Variants in IMMP2L observed in about 807,000 individuals in gnomAD.
The protein encoded by IMMP2L is mitochondrial inner membrane protease subunit 2.
A neutral mutation model predicts 19.3 loss-of-function variants in IMMP2L; 18 were observed. The ratio of observed to expected loss-of-function variants is 0.93; its 90% CI spans 0.64 to 1.38. IMMP2L has a LOEUF of 1.38. IMMP2L is among the 40% of genes most tolerant of loss of function. The pLI is 0.00. For missense variants in IMMP2L, 233 were observed against 218.2 expected (o/e 1.07, Z -0.43); for synonymous variants, 76 against 73.0 (o/e 1.04, Z -0.21).
chr7:111,035,256 T>C (rs1307663621), intron 3 of IMMP2L, among the ~76,000 whole-genome samples: 1 of 152,080 alleles, frequency 6.6e-6, no homozygotes, highest in African/African-American at 2.4e-5. Flanking sequence ...GTAAAGACAA[T>C]GACAGAAATA....
chr7:110,756,252 G>A (rs1016896381), intron 5 of IMMP2L, among the ~76,000 whole-genome samples: 7 of 152,062 alleles, frequency 4.6e-5, no homozygotes, highest in Admixed American at 3.9e-4. Context: ...AAAGAGAGAA[G>A]CCACCAGTGA....
At chr7:110,716,220 G>A (rs893222168) in intron 5 of IMMP2L, among the ~76,000 whole-genome samples, 1 of 151,918 alleles carries the variant, frequency 6.6e-6, no homozygotes, top group Non-Finnish European at 1.5e-5. Context: ...CTTGAAGAGA[G>A]GGGATGGATG....
intron 3 of IMMP2L, among the ~76,000 whole-genome samples, chr7:111,263,787 G>T (rs1246249134): frequency 6.6e-6 from 1 of 152,136 alleles, no homozygotes; most frequent in Non-Finnish European, 1.5e-5. Context: ...AGGGAAATTA[G>T]TGAAACACTA....
intron 3 of IMMP2L, among the ~76,000 whole-genome samples, chr7:111,002,726 A>G (rs1823842150): frequency 6.6e-6 from 1 of 152,212 alleles, no homozygotes; most frequent in African/African-American, 2.4e-5. Context: ...CACATGTGCC[A>G]GATACTAAGT....
chr7:111,517,295 T>C (rs1427430223), intron 2 of IMMP2L, among the ~76,000 whole-genome samples: 1 of 152,108 alleles, frequency 6.6e-6, no homozygotes, highest in Non-Finnish European at 1.5e-5. Context: ...CTTCATATTC[T>C]GTAATTTCCT....
intron 5 of IMMP2L, among the ~76,000 whole-genome samples, chr7:110,885,784 G>A (rs747986832): frequency 2.0e-5 from 3 of 151,994 alleles, no homozygotes; most frequent in Non-Finnish European, 4.4e-5. Flanking sequence ...GAAAGCAGGA[G>A]ATACAATTTT....
At chr7:111,231,589 A>T (rs943564480) in intron 3 of IMMP2L, among the ~76,000 whole-genome samples, 6 of 151,814 alleles carry the variant, frequency 4.0e-5, no homozygotes, top group African/African-American at 1.5e-4. Context: ...TAGTGTGTTT[A>T]TTTGTTTACT....
At chr7:111,315,988 C>T (rs923512668) in intron 3 of IMMP2L, among the ~76,000 whole-genome samples, 3 of 152,082 alleles carry the variant, frequency 2.0e-5, no homozygotes, top group Non-Finnish European at 4.4e-5. Context: ...CTTACACAAA[C>T]ATAGATGGTA....
chr7:111,452,374 T>C (rs962516005), intron 3 of IMMP2L, among the ~76,000 whole-genome samples: 6 of 152,142 alleles, frequency 3.9e-5, no homozygotes, highest in Non-Finnish European at 7.4e-5. Flanking sequence ...TAGAATTCCC[T>C]AAGCAAACCA....
intron 4 of IMMP2L, among the ~76,000 whole-genome samples, chr7:110,912,808 T>C (rs939282322): frequency 2.6e-5 from 4 of 152,030 alleles, no homozygotes; most frequent in Admixed American, 2.6e-4. Context: ...GAAAGTAAAG[T>C]AGCAACCTCT....
chr7:111,322,298 TA>T (rs1318900648), intron 3 of IMMP2L, among the ~76,000 whole-genome samples: 1 of 151,964 alleles, frequency 6.6e-6, no homozygotes, highest in African/African-American at 2.4e-5. Flanking sequence ...AGATTCTCAA[TA>T]AATATTTATT....
chr7:111,369,114 A>C (rs924734431), intron 3 of IMMP2L, among the ~76,000 whole-genome samples: 1 of 151,930 alleles, frequency 6.6e-6, no homozygotes, highest in Non-Finnish European at 1.5e-5. Flanking sequence ...TTTCATAGAA[A>C]TAAAATGTTA....
chr7:110,850,924 A>G (rs958109749), intron 5 of IMMP2L, among the ~76,000 whole-genome samples: 23 of 152,082 alleles, frequency 1.5e-4, no homozygotes, highest in Non-Finnish European at 3.1e-4. Context: ...TAAAAAGCCA[A>G]AAAAGACATG....
At chr7:111,316,341 A>G (rs1824074649) in intron 3 of IMMP2L, among the ~76,000 whole-genome samples, 1 of 152,134 alleles carries the variant, frequency 6.6e-6, no homozygotes, top group Non-Finnish European at 1.5e-5. Context: ...CAAAGAAAGA[A>G]CATGCAGGAA....
chr7:111,181,648 T>A (rs1014701408), intron 3 of IMMP2L, among the ~76,000 whole-genome samples: 1 of 152,014 alleles, frequency 6.6e-6, no homozygotes, highest in African/African-American at 2.4e-5. Context: ...CTTTCCAATT[T>A]TGGAAGCAGA....
At chr7:110,932,358 T>C (rs1459060615) in intron 4 of IMMP2L, among the ~76,000 whole-genome samples, 2 of 152,152 alleles carry the variant, frequency 1.3e-5, no homozygotes, top group African/African-American at 4.8e-5. Flanking sequence ...ATGCAGTTTT[T>C]TTTTTCTTTT....
chr7:110,829,957 ATGCAT>A (rs1465272021), intron 5 of IMMP2L, among the ~76,000 whole-genome samples: 1 of 152,150 alleles, frequency 6.6e-6, no homozygotes, highest in Non-Finnish European at 1.5e-5. Context: ...AAAGGATATT[ATGCAT>A]TGATAAATTA....
intron 3 of IMMP2L, among the ~76,000 whole-genome samples, chr7:110,988,749 G>A (rs981876165): frequency 6.6e-6 from 1 of 152,078 alleles, no homozygotes; most frequent in African/African-American, 2.4e-5. Context: ...GAGGAGTTAA[G>A]TGAATTATTG....
chr7:111,341,536 GA>G (rs1827010377), intron 3 of IMMP2L, among the ~76,000 whole-genome samples: 1 of 152,088 alleles, frequency 6.6e-6, no homozygotes, highest in South Asian at 2.1e-4. Context: ...AAACTGGCTT[GA>G]AATAACTATT....
Sources: allele counts gnomAD v4.1 joint callset (sites outside exome capture counted in the v4.1 genomes callset), GRCh38; gene constraint gnomAD v4.1.1; transcripts MANE v1.5; gene names NCBI Gene and HGNC (gene_info 2026-07-23, HGNC 2026-07-21).